Variants in PRKN observed in about 807,000 individuals in gnomAD.
The protein encoded by PRKN is E3 ubiquitin-protein ligase parkin.
PRKN carries 56 observed loss-of-function variants against 59.5 expected under a neutral mutation model. The ratio of observed to expected loss-of-function variants is 0.94; its 90% CI spans 0.76 to 1.18. The LOEUF is 1.18. Among genes scored for constraint, PRKN ranks in the 50% most tolerant of loss-of-function variants. The probability of loss-of-function intolerance (pLI) is 0.00; values close to 1 mark genes in which losing one functional copy is unlikely to be tolerated. For synonymous variants in PRKN, 250 were observed against 222.1 expected (o/e 1.13, Z -1.12); for missense variants, 657 against 596.4 (o/e 1.10, Z -1.06).
At chr6:161,721,577 C>T (rs1787222179) in intron 7 of PRKN, among the ~76,000 whole-genome samples, 1 of 152,134 alleles carries the variant, frequency 6.6e-6, no homozygotes, top group South Asian at 2.1e-4. Context: ...GCTTCTAAGG[C>T]CAGTTGTTTA....
At chr6:162,457,603 A>C (rs1361582977) in intron 1 of PRKN, among the ~76,000 whole-genome samples, 3 of 152,138 alleles carry the variant, frequency 2.0e-5, no homozygotes, top group Non-Finnish European at 2.9e-5. Context: ...GATTAATACA[A>C]ACAAAGAAAT....
At chr6:162,197,897 G>T (rs911388222) in intron 4 of PRKN, among the ~76,000 whole-genome samples, 8 of 152,124 alleles carry the variant, frequency 5.3e-5, no homozygotes, top group African/African-American at 1.7e-4. Flanking sequence ...CTATGGACAA[G>T]GCACTTTGTG....
chr6:161,544,859 A>C lies in PRKN; in HGVS notation c.1083+3995T>G, dbSNP rs1779739349. Among the ~76,000 whole-genome samples the C allele has an allele frequency of 6.6e-6, 1 of 152,250 alleles. No individual in the cohort carries two copies. The highest frequency in any genetic ancestry group is 2.1e-4 in the South Asian group (1 of 4,834). On this transcript the variant is annotated intron_variant, in intron 9 of 11. Coordinates refer to ENST00000366898, the MANE Select transcript of PRKN (RefSeq NM_004562.3). This position sits in a 1 kb window ranked among gnomAD's most constrained non-coding sequence, Gnocchi z 5.5. ...CAAAGTGTCTGGAATCTGATTTTCC[A>C]ATGGACATTCCCATATGTTTGAACA...
chr6:162,288,232 A>C (rs973968004), intron 2 of PRKN, among the ~76,000 whole-genome samples: 5 of 152,152 alleles, frequency 3.3e-5, no homozygotes, highest in Non-Finnish European at 7.3e-5. Flanking sequence ...TGTAGCCAAC[A>C]AGAGGAAAAA....
intron 5 of PRKN, among the ~76,000 whole-genome samples, chr6:161,981,408 G>A (rs1781253090): frequency 6.6e-6 from 1 of 152,074 alleles, no homozygotes; most frequent in Non-Finnish European, 1.5e-5. Context: ...AGCTGGGTAG[G>A]GTGGAACACA....
intron 5 of PRKN, among the ~76,000 whole-genome samples, chr6:162,046,495 T>C (rs996435834): frequency 6.6e-6 from 1 of 152,216 alleles, no homozygotes; most frequent in Admixed American, 6.5e-5. Context: ...GATGGCGTCA[T>C]AGACTAAACC....
chr6:162,223,455 T>C (rs551363754), intron 3 of PRKN, among the ~76,000 whole-genome samples: 2 of 151,030 alleles, frequency 1.3e-5, no homozygotes, highest in East Asian at 2.0e-4. Flanking sequence ...ACTGCAGTAA[T>C]TGTGACAGGC....
intron 1 of PRKN, among the ~76,000 whole-genome samples, chr6:162,455,754 T>C (rs1239650080): frequency 6.6e-6 from 1 of 152,174 alleles, no homozygotes; most frequent in African/African-American, 2.4e-5. Flanking sequence ...TCCAAGGTTT[T>C]GATTTAAAAA....
At chr6:162,104,760 G>A (rs1414141018) in intron 4 of PRKN, among the ~76,000 whole-genome samples, 4 of 152,242 alleles carry the variant, frequency 2.6e-5, no homozygotes, top group Middle Eastern at 3.4e-3. Flanking sequence ...GTCAAGAAAT[G>A]TTTCAGGAGT....
intron 6 of PRKN, among the ~76,000 whole-genome samples, chr6:161,861,859 C>A (rs1793917103): frequency 6.6e-6 from 1 of 152,172 alleles, no homozygotes; most frequent in South Asian, 2.1e-4. Context: ...CCTGTCACTT[C>A]CTCAACTAAT....
chr6:161,854,939 T>C (rs1392654066), intron 6 of PRKN, among the ~76,000 whole-genome samples: 2 of 151,588 alleles, frequency 1.3e-5, no homozygotes, highest in Non-Finnish European at 2.9e-5. Flanking sequence ...AAAAATTCGC[T>C]GGGCAGGGTG....
At chr6:161,949,451 C>A (rs1481564742) in intron 6 of PRKN, among the ~76,000 whole-genome samples, 2 of 152,072 alleles carry the variant, frequency 1.3e-5, no homozygotes, top group African/African-American at 2.4e-5. Flanking sequence ...GTGGAGGTTG[C>A]GGTGAGCCGA....
intron 7 of PRKN, among the ~76,000 whole-genome samples, chr6:161,678,216 CTTTTTTTTTTTTTTTTTT>C (rs3066554): frequency 1.5e-5 from 1 of 64,940 alleles, no homozygotes; most frequent in African/African-American, 7.9e-5. Context: ...TACTGAATCA[CTTTTTTTTTTTTTTTTTT>C]TTTTTTTTTT....
chr6:161,963,754 T>G (rs1015490354), intron 6 of PRKN, among the ~76,000 whole-genome samples: 2 of 152,262 alleles, frequency 1.3e-5, no homozygotes, highest in Admixed American at 6.5e-5. Flanking sequence ...TTCTGTTTGT[T>G]GCACTGCATG....
chr6:162,245,575 G>T (rs1042213515), intron 3 of PRKN, among the ~76,000 whole-genome samples: 1 of 152,026 alleles, frequency 6.6e-6, no homozygotes, highest in African/African-American at 2.4e-5. Context: ...AATGGTTTTA[G>T]AGGTCACGCT....
rs1784629461 is a variant in PRKN at position 161,353,230 on chromosome 6, C to T, written c.1286-3019G>A. ...CGACCTTTCCTTGCCCTCCTTTTAC[C>T]AGCCCAGGGCAGGACTGGAACCATC... is the stretch of plus-strand genomic sequence containing the variant. On this transcript the variant is annotated intron_variant, in intron 11 of 11. Coordinates refer to ENST00000366898, the MANE Select transcript of PRKN (RefSeq NM_004562.3). This position sits in a 1 kb window ranked among gnomAD's most constrained non-coding sequence, Gnocchi z 4.8. 6.6e-6 allele frequency among the ~76,000 whole-genome samples: 1 copy of T among 152,112 alleles called. No individual in the cohort carries two copies. The highest frequency in any genetic ancestry group is 1.5e-5 in the Non-Finnish European group (1 of 68,032).
chr6:162,717,915 T>C (rs140347812), intron 1 of PRKN, among the ~76,000 whole-genome samples: 60 of 152,344 alleles, frequency 3.9e-4, no homozygotes, highest in Admixed American at 1.4e-3. Flanking sequence ...TTATAACACA[T>C]TGCTTTTCAG....
intron 1 of PRKN, among the ~76,000 whole-genome samples, chr6:162,541,932 T>C (rs73591877): frequency 0.013 from 1,932 of 152,274 alleles, 51 homozygotes; most frequent in African/African-American, 0.044. Context: ...ATGGGCGTCC[T>C]ATGACTATCC....
Position 161,466,051 on chromosome 6 carries a change from CAT to C in PRKN, c.1084-79176_1084-79175del, listed in dbSNP as rs746066372. ...ATTAATCAACACTTCTATCACCACA[CAT>C]AGTTATCTTTGTGTGTGTGTGTGTG... is the stretch of plus-strand genomic sequence containing the variant. On this transcript the variant is annotated intron_variant, in intron 9 of 11. Coordinates refer to ENST00000366898, the MANE Select transcript of PRKN (RefSeq NM_004562.3). The surrounding 1 kb of genome is among the most constrained non-coding windows in gnomAD (Gnocchi z 5.0). Among the ~76,000 whole-genome samples the C allele has an allele frequency of 3.4e-5, 5 of 149,054 alleles. No individual in the cohort carries two copies. Among genetic ancestry groups the C allele is most frequent in the Admixed American group, 6.6e-5 (1 of 15,148 alleles).
Sources: gnomAD v4.1 joint callset for allele counts (sites outside exome capture counted in the v4.1 genomes callset) on GRCh38, gnomAD v4.1.1 for gene constraint, Gnocchi (gnomAD v3.1) non-coding constraint, MANE v1.5 for transcripts, NCBI Gene and HGNC (gene_info 2026-07-23, HGNC 2026-07-21) for gene names.